The following PCNX1 variants were observed in gnomAD, a reference collection of about 807,000 sequenced individuals.
PCNX1 encodes pecanex 1.
PCNX1 carries 78 observed loss-of-function variants against 242.2 expected under a neutral mutation model. The observed-to-expected ratio is 0.32, with a 90% CI of 0.27 to 0.39. PCNX1 has a LOEUF of 0.39. PCNX1 is among the 10% of genes least tolerant of loss of function. The pLI is 1.00. For synonymous variants in PCNX1, 1,024 were observed against 1,032.9 expected (o/e 0.99, Z 0.17); for missense variants, 2,581 against 2,856.5 (o/e 0.90, Z 2.20).
chr14:70,930,975 G>A (rs115613508), intron 1 of PCNX1, among the ~76,000 whole-genome samples: 132 of 152,084 alleles, frequency 8.7e-4, no homozygotes, highest in African/African-American at 3.1e-3. Context: ...GAGTCCTTTG[G>A]GGGGCAGCTT....
intron 28 of PCNX1, among the ~76,000 whole-genome samples, chr14:71,086,351 C>T (rs935129090): frequency 6.6e-6 from 1 of 152,200 alleles, no homozygotes; most frequent in African/African-American, 2.4e-5. Context: ...TCCTATTTTC[C>T]TGCTACTTGC....
chr14:71,055,606 GTTT>G, intron 25 of PCNX1, 44 bp downstream of exon 25: 1 of 1,153,184 alleles, frequency 8.7e-7, no homozygotes, highest in Non-Finnish European at 1.3e-6. Context: ...CTAAGGATTT[GTTT>G]TATATATATA....
chr14:70,948,665 G>A (rs1301137078), intron 2 of PCNX1, among the ~76,000 whole-genome samples: 3 of 140,250 alleles, frequency 2.1e-5, no homozygotes, highest in Non-Finnish European at 3.2e-5. Context: ...ATATATACAC[G>A]TGTCTATATA....
chr14:71,063,908 C>T (rs948341073), intron 26 of PCNX1, among the ~76,000 whole-genome samples: 3 of 152,020 alleles, frequency 2.0e-5, no homozygotes, highest in Admixed American at 6.6e-5. Context: ...GGTTATCAGT[C>T]ATTTTTTGTC....
intron 28 of PCNX1, 56 bp downstream of exon 28, chr14:71,076,475 G>T: frequency 8.7e-7 from 1 of 1,144,848 alleles, no homozygotes; most frequent in Non-Finnish European, 1.3e-6. Context: ...AAGATGCAAA[G>T]AATGTCCCTG....
intron 1 of PCNX1, among the ~76,000 whole-genome samples, chr14:70,924,894 G>C (rs1304689354): frequency 6.6e-6 from 1 of 151,906 alleles, no homozygotes; most frequent in Non-Finnish European, 1.5e-5. Flanking sequence ...CACCTGGCCT[G>C]AACTAGTTTA....
rs190782284 is a variant in PCNX1, at chr14:70,912,702, C to T, written c.153+4699C>T. 1.2e-4 allele frequency among the ~76,000 whole-genome samples: 18 copies of T among 152,146 alleles called. No individual in the cohort carries two copies. In the East Asian group the frequency reaches 2.1e-3, roughly 18 times the overall value. On this transcript the variant is annotated intron_variant, in intron 1 of 35. Coordinates refer to ENST00000304743, the MANE Select transcript of PCNX1 (RefSeq NM_014982.3). ...AATCTGTGTCATTCTTTTAAATATT[C>T]TTTAAAGATTTTCTTTGGCACTTAG... is the stretch of plus-strand genomic sequence containing the variant.
Position 70,977,508 on chromosome 14 carries a change from C to T in PCNX1, c.1171C>T (p.Arg391Trp), listed in dbSNP as rs1372991588. The T allele has an allele frequency of 3.7e-6, 6 of 1,614,076 alleles. No individual in the cohort carries two copies. Among genetic ancestry groups the T allele is most frequent in the Middle Eastern group, 1.6e-4 (1 of 6,062 alleles). The stretch of plus-strand genomic sequence containing the variant: ...AGAAAGCTACTGCAGTGGAACGGAC[C>T]GGGACACTAACAGTACTGTCAGCAG... ...STESYCSGTD[R>W]DTNSTVSSYK... Residue 391 changes from arginine to tryptophan, a missense_variant, in exon 6 of 36, where the codon CGG becomes TGG. Arg to Trp is a moderately radical substitution (Grantham distance 101). Transcript: ENST00000304743.
chr14:71,040,844 C>T (rs987342525), intron 19 of PCNX1, among the ~76,000 whole-genome samples: 6 of 152,012 alleles, frequency 3.9e-5, no homozygotes, highest in Admixed American at 2.6e-4. Flanking sequence ...CTACCCTTCC[C>T]GGTCGCTGAT....
At chr14:70,922,368 G>C (rs2056411337) in intron 1 of PCNX1, among the ~76,000 whole-genome samples, 1 of 151,946 alleles carries the variant, frequency 6.6e-6, no homozygotes, top group African/African-American at 2.4e-5. Context: ...ACCTTTAATA[G>C]GTATTAGATG....
rs17093721 is a variant in PCNX1 at position 70,956,717 on chromosome 14, T to C, written c.363-5509T>C. 8.6e-3 allele frequency among the ~76,000 whole-genome samples: 1,317 copies of C among 152,280 alleles called. 26 individuals carry two copies. The highest frequency in any genetic ancestry group is 0.03 in the African/African-American group (1,242 of 41,552). On this transcript the variant is annotated intron_variant, in intron 2 of 35. Transcript: ENST00000304743. Reference sequence around the variant, plus strand: ...AAGAAAGAACAGATATGATAACTTATTTGCAGAATGCTGAGGAGGTATTAT... The same window carrying C: ...AAGAAAGAACAGATATGATAACTTACTTGCAGAATGCTGAGGAGGTATTAT...
chr14:70,925,311 G>GT (rs2056548000), intron 1 of PCNX1, among the ~76,000 whole-genome samples: 2 of 152,246 alleles, frequency 1.3e-5, no homozygotes, highest in South Asian at 4.1e-4. Flanking sequence ...TTATGTAATT[G>GT]TTTTGCATGG....
chr14:70,961,716 A>G (rs1041553588), intron 2 of PCNX1, among the ~76,000 whole-genome samples: 1 of 152,176 alleles, frequency 6.6e-6, no homozygotes, highest in Non-Finnish European at 1.5e-5. Flanking sequence ...TGGTTACTTA[A>G]AGAATACAGA....
intron 3 of PCNX1, chr14:70,965,455 C>A (rs2810100): frequency 0.63 from 96,298 of 151,872 alleles, 30,785 homozygotes; most frequent in South Asian, 0.72. Flanking sequence ...CGAGGTTGGG[C>A]GATTGAGACC....
chr14:71,057,159 T>C (rs1245414204), intron 25 of PCNX1, among the ~76,000 whole-genome samples: 2 of 152,214 alleles, frequency 1.3e-5, no homozygotes, highest in Non-Finnish European at 2.9e-5. Context: ...TCTGAATTCT[T>C]TTATTTTCCT....
Position 71,036,128 on chromosome 14 carries a change from C to A in PCNX1, c.3838C>A (p.His1280Asn). ...AATTGGTGTGCTGTATTTTGCTATT[C>A]ATGTAAGCACAGTCTTCACAGTATT... Reference protein sequence around the residue: ...IVIGVLYFAIHVSTVFTVLQP... With the variant: ...IVIGVLYFAINVSTVFTVLQP... The change falls in exon 19 of 36, where the codon CAT (histidine) becomes AAT (asparagine). Residue 1280 changes from histidine to asparagine, a missense_variant. His to Asn is a moderately conservative substitution (Grantham distance 68). Transcript: ENST00000304743. 6.2e-7 allele frequency: 1 copy of A among 1,603,320 alleles called. No individual in the cohort carries two copies. Among genetic ancestry groups the A allele is most frequent in the Non-Finnish European group, 8.5e-7 (1 of 1,170,236 alleles).
intron 19 of PCNX1, among the ~76,000 whole-genome samples, chr14:71,043,961 A>G (rs1363171352): frequency 2.0e-5 from 3 of 152,120 alleles, no homozygotes; most frequent in Non-Finnish European, 4.4e-5. Flanking sequence ...TTCCAATTGT[A>G]TGGATTGTCA....
At chr14:70,952,604 A>G (rs953794813) in intron 2 of PCNX1, among the ~76,000 whole-genome samples, 1 of 152,004 alleles carries the variant, frequency 6.6e-6, no homozygotes, top group Non-Finnish European at 1.5e-5. Flanking sequence ...ACAGTATATT[A>G]TACTTTATTG....
chr14:70,908,154 C>T, intron 1 of PCNX1, 151 bp downstream of exon 1: 1 of 690,478 alleles, frequency 1.4e-6, no homozygotes, highest in Non-Finnish European at 2.2e-6. Context: ...TGCGTGCTCC[C>T]ACTCCTCTCT....
Sources: gnomAD v4.1 joint callset for allele counts (sites outside exome capture counted in the v4.1 genomes callset) on GRCh38, gnomAD v4.1.1 for gene constraint, MANE v1.5 for transcripts, NCBI Gene and HGNC (gene_info 2026-07-23, HGNC 2026-07-21) for gene names.